The following SLFN11 variants were observed in gnomAD, a reference collection of about 807,000 sequenced individuals.
SLFN11 encodes the protein schlafen family member 11.
Under a neutral mutation model 53.4 loss-of-function variants are expected in SLFN11, and 43 were observed. That is an observed-to-expected ratio of 0.80 (90% CI 0.63 to 1.04). SLFN11 has a LOEUF of 1.04. Among genes scored for constraint, SLFN11 ranks in the 50% least tolerant of loss-of-function variants. SLFN11 has a pLI of 0.00. For synonymous variants in SLFN11, 389 were observed against 394.7 expected, an observed-to-expected ratio of 0.99 and a Z score of 0.17; for missense variants, 990 against 1,079.1, an observed-to-expected ratio of 0.92 and a Z score of 1.16.
In SLFN11 at chr17:35,353,838, T is replaced by TGTAGAGAATGGG; in HGVS notation, c.1408_1419dup (p.Pro470_Tyr473dup). The TGTAGAGAATGGG allele has an allele frequency of 1.9e-6, 3 of 1,604,008 alleles. No homozygotes were observed. Among genetic ancestry groups the TGTAGAGAATGGG allele is most frequent in the Non-Finnish European group, 2.6e-6 (3 of 1,173,210 alleles). On this transcript the variant is annotated inframe_insertion, in exon 6 of 7. Coordinates refer to ENST00000685675, the MANE Select transcript of SLFN11 (RefSeq NM_001376007.1). Reference sequence around the variant, plus strand: ...TCTGCATCTTGCTCCCTGAGAATGGTGTAGAGAATGGGGGTGCTGTTCTGT... The same window carrying TGTAGAGAATGGG: ...TCTGCATCTTGCTCCCTGAGAATGGTGTAGAGAATGGGGTAGAGAATGGGGGTGCTGTTCTGT...
At chr17:35,354,151 G>T in intron 5 of SLFN11, 92 bp from the exon 6 acceptor site, 1 of 1,120,784 alleles carries the variant, frequency 8.9e-7, no homozygotes, top group African/African-American at 1.6e-5. Flanking sequence ...TTAACTAAAT[G>T]ATTACTTATA....
Position 35,352,164 on chromosome 17 carries a change from TG to T in SLFN11, c.*191del, listed in dbSNP as rs1239513829. On this transcript the variant is annotated 3_prime_UTR_variant, in exon 7 of 7. Coordinates refer to ENST00000685675, the MANE Select transcript of SLFN11 (RefSeq NM_001376007.1). ...TGGCTGGAAGAGTCAGGGGTCAGAA[TG>T]GGGGGCAGCCACCGCTGCTGAAAGG... The T allele has an allele frequency of 7.3e-5, 47 of 642,512 alleles. No individual in the cohort carries two copies. Among genetic ancestry groups the T allele is most frequent in the Non-Finnish European group, 1.1e-4 (42 of 391,440 alleles). 39.8% of individuals were successfully genotyped at this position (642,512 alleles called of 1,614,324 possible). A position where few individuals can be genotyped will look rare whatever the true frequency, so the allele number is the denominator to read the frequency against.
Position 35,363,679 on chromosome 17 carries a change from C to T in SLFN11, c.129G>A (p.Lys43=), listed in dbSNP as rs761125566. ...KLQKIQRDQE[K]ERVMRAACAL... Reference sequence around the variant, plus strand: ...CACATGCAGCCCGCATAACTCTCTCCTTCTCTTGGTCTCTCTGAATTTTCT... The same window carrying T: ...CACATGCAGCCCGCATAACTCTCTCTTTCTCTTGGTCTCTCTGAATTTTCT... Residue 43 remains lysine (K), a synonymous_variant, in exon 4 of 7, where the codon AAG becomes AAA. Transcript: ENST00000685675. 4 of 1,613,970 alleles carry T rather than the reference C, an allele frequency of 2.5e-6. No individual in the cohort carries two copies. In the South Asian group the frequency reaches 4.4e-5, roughly 18 times the overall value.
chr17:35,353,717 A>G lies in SLFN11; in HGVS notation c.1541T>C (p.Val514Ala). ...GCTGCTCTCAGGACTCAGGCAGAGG[A>G]CCTTGGCCCTGACACACACCTTCCC... ...YTGKVCVRAK[V>A]LCLSPESSAE... Residue 514 changes from valine (V) to alanine (A), a missense_variant, in exon 6 of 7, where the codon GTC (valine) becomes GCC (alanine). Transcript: ENST00000685675. 2.8e-6 allele frequency: 4 copies of G among 1,435,244 alleles called. No homozygotes were observed. Among genetic ancestry groups the G allele is most frequent in the East Asian group, 2.5e-5 (1 of 40,044 alleles). 88.9% of individuals were successfully genotyped at this position (1,435,244 alleles called of 1,614,324 possible).
intron 1 of SLFN11, among the ~76,000 whole-genome samples, chr17:35,372,472 A>G (rs759002856): frequency 2.6e-5 from 4 of 152,136 alleles, no homozygotes; most frequent in African/African-American, 4.8e-5. Flanking sequence ...GATTGTTTGC[A>G]ACTCAAAGGG....
rs535755249 is a variant in SLFN11, at chr17:35,354,370, C to T, written c.1199-311G>A. 4.6e-5 allele frequency among the ~76,000 whole-genome samples: 7 copies of T among 152,166 alleles called. No homozygotes were observed. In the South Asian group the frequency reaches 1.5e-3, roughly 32 times the overall value. ...CTATGAGGAGGAATAAATGAAATAA[C>T]ATAAAATGTTTGGCTCATTGTAGCT... On this transcript the variant is annotated intron_variant, in intron 5 of 6. Transcript: ENST00000685675.
rs780878257 is a variant in SLFN11, at chr17:35,363,390, C to CAG, written c.416_417dup (p.Val140LeufsTer14). The CAG allele has an allele frequency of 6.2e-7, 1 of 1,613,940 alleles. No individual in the cohort carries two copies. The highest frequency in any genetic ancestry group is 1.1e-5 in the South Asian group (1 of 91,088). On this transcript the variant is annotated frameshift_variant, in exon 4 of 7. Coordinates refer to ENST00000685675, the MANE Select transcript of SLFN11 (RefSeq NM_001376007.1). LOFTEE classifies it high-confidence loss of function. ...GCCTCTCTTGAGTCCATGGAACGCA[C>CAG]AGAGGTCTCAGATCTACGGTATAAT...
In SLFN11 at chr17:35,352,360, T is replaced by C. The variant is rs745996688; in HGVS notation, c.2702A>G (p.His901Arg). The change falls in exon 7 of 7, where the codon CAT becomes CGT. Residue 901 changes from histidine to arginine, a missense_variant. Physicochemically the swap from His to Arg is conservative, Grantham distance 29 (BLOSUM62 0). Coordinates refer to ENST00000685675, the MANE Select transcript of SLFN11 (RefSeq NM_001376007.1). ...QHLYIFPWGG[H>R] is the part of the protein sequence containing the mutation. ...CATTTTGATTTGGAGTTCTTCCTAA[T>C]GGCCACCCCACGGAAAAATATACAG... The C allele has an allele frequency of 7.4e-6, 12 of 1,613,534 alleles. No homozygotes were observed. The South Asian group carries it at 1.3e-4, about 18-fold the overall frequency.
rs558342568 is a variant in SLFN11, at chr17:35,357,819, A to C, written c.1198+2424T>G. ...AAAAATATAATATAAAGATTTTAAAAAACAAATAAATAATAAAATTAAAAA... is the reference window on the plus strand; with the variant it reads ...AAAAATATAATATAAAGATTTTAAACAACAAATAAATAATAAAATTAAAAA... On this transcript the variant is annotated intron_variant, in intron 5 of 6. Coordinates refer to ENST00000685675, the MANE Select transcript of SLFN11 (RefSeq NM_001376007.1). Among the ~76,000 whole-genome samples the C allele has an allele frequency of 3.4e-3, 489 of 143,466 alleles. 4 individuals are homozygous for C. The highest frequency in any genetic ancestry group is 0.012 in the African/African-American group (469 of 40,082). 94.1% of individuals were successfully genotyped at this position (143,466 alleles called of 152,430 possible).
chr17:35,353,497 T>G lies in SLFN11; in HGVS notation c.1761A>C (p.Arg587Ser). ...ACAACTCTCTGTTCTTGCGGAGGCT[T>G]CTGGAGAATATCTCATACTGCTGGG... Reference protein sequence around the residue: ...LTAQQYEIFSRSLRKNRELFV... With the variant: ...LTAQQYEIFSSSLRKNRELFV... The change falls in exon 6 of 7, where the codon AGA becomes AGC. Residue 587 changes from arginine (R) to serine (S), a missense_variant. Physicochemically the swap from Arg to Ser is moderately radical, Grantham distance 110. Around this residue, in one of 3 missense-constraint regions of SLFN11, gnomAD observed 156 missense variants for 241.9 expected, o/e 0.64. Transcript: ENST00000685675. The G allele has an allele frequency of 6.4e-7, 1 of 1,555,308 alleles. No individual in the cohort carries two copies. The highest frequency in any genetic ancestry group is 1.8e-5 in the Admixed American group (1 of 54,798).
intron 1 of SLFN11, among the ~76,000 whole-genome samples, chr17:35,370,365 G>C (rs1016768246): frequency 6.6e-6 from 1 of 152,070 alleles, no homozygotes; most frequent in African/African-American, 2.4e-5. Context: ...CAGACCTACA[G>C]CTAGTAGCAT....
chr17:35,371,603 A>T (rs545239917), intron 1 of SLFN11, among the ~76,000 whole-genome samples: 1 of 152,260 alleles, frequency 6.6e-6, no homozygotes, highest in East Asian at 1.9e-4. Context: ...AGAACATATC[A>T]GGAGCTCCAA....
intron 3 of SLFN11, among the ~76,000 whole-genome samples, chr17:35,364,735 T>G (rs1165608131): frequency 1.3e-5 from 2 of 152,180 alleles, no homozygotes; most frequent in Non-Finnish European, 2.9e-5. Flanking sequence ...ATGCCTGTTA[T>G]TATGAGGATT....
At position 35,352,838 on chromosome 17, in the gene SLFN11, G is replaced by T; in HGVS notation, c.2224C>A (p.Gln742Lys). Residue 742 changes from glutamine to lysine, a missense_variant, in exon 7 of 7, where the codon CAA becomes AAA. Physicochemically the swap from Gln to Lys is moderately conservative, Grantham distance 53. This residue lies in a region of SLFN11 where 313 missense variants were observed against 320.9 expected (regional missense o/e 0.98). Transcript: ENST00000685675. ...RNADPIAKYL[Q>K]KEMQVIRSNP... ...CTTCTAATTACTTGCATTTCTTTTTGTAAGTACTTGGCTATTGGATCTGCA... is the reference window on the plus strand; with the variant it reads ...CTTCTAATTACTTGCATTTCTTTTTTTAAGTACTTGGCTATTGGATCTGCA... 6.2e-7 allele frequency: 1 copy of T among 1,614,192 alleles called. No homozygotes were observed. Among genetic ancestry groups the T allele is most frequent in the East Asian group, 2.2e-5 (1 of 44,886 alleles).
chr17:35,371,565 T>C (rs1473395210), intron 1 of SLFN11, among the ~76,000 whole-genome samples: 1 of 151,928 alleles, frequency 6.6e-6, no homozygotes, highest in Non-Finnish European at 1.5e-5. Context: ...TATTTGCAAA[T>C]TAACCATCCA....
At chr17:35,365,314 T>G (rs1418507778) in intron 3 of SLFN11, among the ~76,000 whole-genome samples, 1 of 152,098 alleles carries the variant, frequency 6.6e-6, no homozygotes, top group Non-Finnish European at 1.5e-5. Flanking sequence ...GCGTGTGAGA[T>G]GGGGTCTCAC....
intron 3 of SLFN11, among the ~76,000 whole-genome samples, chr17:35,364,750 G>A (rs567205095): frequency 6.6e-6 from 1 of 152,086 alleles, no homozygotes; most frequent in African/African-American, 2.4e-5. Flanking sequence ...AGGATTAATT[G>A]AGAATAATTC....
rs571224112 is a variant in SLFN11, at chr17:35,363,732, G to A, written c.76C>T (p.Leu26Phe). The change falls in exon 4 of 7, where the codon CTT (leucine) becomes TTT (phenylalanine). Residue 26 changes from leucine (L) to phenylalanine (F), a missense_variant. Transcript: ENST00000685675. ...DLVINVGEVTLGEENRKKLQK... is the reference protein window; with the variant it reads ...DLVINVGEVTFGEENRKKLQK... ...AGCTTTTTTCTGTTTTCTTCTCCAA[G>A]AGTCACTTCTCCTACATTGATGACC... The A allele has an allele frequency of 5.1e-5, 83 of 1,613,518 alleles. No homozygotes were observed. Among genetic ancestry groups the A allele is most frequent in the Non-Finnish European group, 6.9e-5 (81 of 1,179,790 alleles).
At chr17:35,360,028 G>A in intron 5 of SLFN11, 1 of 473,570 alleles carries the variant, frequency 2.1e-6, no homozygotes, top group Non-Finnish European at 3.7e-6. Context: ...GGGAAATAAT[G>A]TTCCTGGATT....
Sources: gnomAD v4.1 joint callset for allele counts (sites outside exome capture counted in the v4.1 genomes callset) on GRCh38, gnomAD v4.1.1 for gene constraint, gnomAD v4.1.1 regional missense constraint, MANE v1.5 for transcripts, NCBI Gene and HGNC (gene_info 2026-07-23, HGNC 2026-07-21) for gene names.